CSMD2: variants seen among roughly 807,000 people sequenced by gnomAD.
CSMD2 encodes CUB and Sushi multiple domains 2.
A neutral mutation model predicts 398.5 loss-of-function variants in CSMD2; 130 were observed. The ratio of observed to expected loss-of-function variants is 0.33; its 90% CI spans 0.28 to 0.38. The LOEUF is 0.38. CSMD2 is among the 10% of genes least tolerant of loss of function. The pLI is 1.00. For synonymous variants in CSMD2, 1,828 were observed against 1,908.5 expected, an observed-to-expected ratio of 0.96 and a Z score of 1.10; for missense variants, 3,829 against 4,764.9, an observed-to-expected ratio of 0.80 and a Z score of 5.78.
intron 3 of CSMD2, among the ~76,000 whole-genome samples, chr1:33,996,706 C>G (rs1012835601): frequency 6.7e-6 from 1 of 148,150 alleles, no homozygotes; most frequent in Non-Finnish European, 1.5e-5. Context: ...TTCTATGAAT[C>G]AACTTATAGA....
intron 3 of CSMD2, among the ~76,000 whole-genome samples, chr1:33,997,850 A>C (rs533861): frequency 0.17 from 26,537 of 152,054 alleles, 4,224 homozygotes; most frequent in East Asian, 0.4. Flanking sequence ...GTGACTAGTG[A>C]TGGGAGAAAA....
intron 5 of CSMD2, among the ~76,000 whole-genome samples, chr1:33,865,777 T>C (rs190462009): frequency 2.0e-5 from 3 of 152,326 alleles, no homozygotes; most frequent in Admixed American, 6.5e-5. Flanking sequence ...ACACATTTCA[T>C]TTTTTCCCTG....
At chr1:33,995,157 T>A (rs1443207455) in intron 3 of CSMD2, among the ~76,000 whole-genome samples, 1 of 151,826 alleles carries the variant, frequency 6.6e-6, no homozygotes, top group Non-Finnish European at 1.5e-5. Flanking sequence ...TTTCCAGTGA[T>A]GAAGAGAAAG....
intron 1 of CSMD2, among the ~76,000 whole-genome samples, chr1:34,162,664 G>A (rs1375759749): frequency 6.6e-6 from 1 of 152,100 alleles, no homozygotes. Flanking sequence ...CTCGAGACCA[G>A]CCTGGCCAAC....
At chr1:34,010,378 A>T (rs1647209006) in intron 3 of CSMD2, among the ~76,000 whole-genome samples, 1 of 152,200 alleles carries the variant, frequency 6.6e-6, no homozygotes, top group Non-Finnish European at 1.5e-5. Context: ...ATAATCCATC[A>T]TCTACGAGCA....
chr1:33,803,717 A>G (rs934390821), intron 10 of CSMD2, among the ~76,000 whole-genome samples: 8 of 151,978 alleles, frequency 5.3e-5, no homozygotes, highest in African/African-American at 1.9e-4. Flanking sequence ...GGATGTCCCC[A>G]TTTTTCCTAC....
At chr1:34,149,674 G>T (rs115956940) in intron 1 of CSMD2, among the ~76,000 whole-genome samples, 1 of 152,198 alleles carries the variant, frequency 6.6e-6, no homozygotes, top group Non-Finnish European at 1.5e-5. Context: ...ATGCTAATGC[G>T]TGCCTTTGGG....
chr1:34,043,965 G>A (rs2148196964), intron 2 of CSMD2, among the ~76,000 whole-genome samples: 1 of 152,320 alleles, frequency 6.6e-6, no homozygotes, highest in African/African-American at 2.4e-5. Context: ...CACGACCTGT[G>A]TGACTTTGCC....
At chr1:33,545,628 C>T (rs1243814599) in intron 57 of CSMD2, among the ~76,000 whole-genome samples, 1 of 152,202 alleles carries the variant, frequency 6.6e-6, no homozygotes, top group African/African-American at 2.4e-5. Context: ...GACCCCACTT[C>T]CTAATACTAT....
At chr1:33,709,894 G>A (rs1034542303) in intron 21 of CSMD2, among the ~76,000 whole-genome samples, 1 of 152,040 alleles carries the variant, frequency 6.6e-6, no homozygotes, top group Admixed American at 6.5e-5. Context: ...GGAGGAGGGG[G>A]CTGAGAACTC....
At position 33,973,696 on chromosome 1, in the gene CSMD2, G is replaced by A. The variant is rs144686399; in HGVS notation, c.518-37742C>T. Among the ~76,000 whole-genome samples the A allele has an allele frequency of 4.3e-3, 661 of 152,290 alleles. 5 individuals carry two copies. The highest frequency in any genetic ancestry group is 0.015 in the African/African-American group (621 of 41,554). On this transcript the variant is annotated intron_variant, in intron 3 of 70. Coordinates refer to ENST00000373381, the MANE Select transcript of CSMD2 (RefSeq NM_001281956.2). ...GGCCATGCACCCTGCCCTTTAGCACGTAAGAGCTGGCTGGGGAGACAGGAC... is the reference window on the plus strand; with the variant it reads ...GGCCATGCACCCTGCCCTTTAGCACATAAGAGCTGGCTGGGGAGACAGGAC...
intron 3 of CSMD2, among the ~76,000 whole-genome samples, chr1:33,970,248 G>T (rs1645711358): frequency 6.6e-6 from 1 of 152,182 alleles, no homozygotes; most frequent in Admixed American, 6.5e-5. Context: ...AGATGGTGAA[G>T]AAAGGTGGAA....
At chr1:33,982,370 C>A (rs1170841060) in intron 3 of CSMD2, among the ~76,000 whole-genome samples, 1 of 152,156 alleles carries the variant, frequency 6.6e-6, no homozygotes, top group Non-Finnish European at 1.5e-5. Flanking sequence ...GGCTCTGAAG[C>A]CAGACTCTGT....
rs182458870 is a variant in CSMD2, at chr1:34,061,683, T to C, written c.404+27294A>G. On this transcript the variant is annotated intron_variant, in intron 2 of 70. Transcript: ENST00000373381. Reference sequence around the variant, plus strand: ...TATGCAAAGTGCTTAGAGCAGTGCCTGGTACATAGTAAGTGCTCAATAATA... The same window carrying C: ...TATGCAAAGTGCTTAGAGCAGTGCCCGGTACATAGTAAGTGCTCAATAATA... Among the ~76,000 whole-genome samples, 903 of 152,324 alleles carry C rather than the reference T, an allele frequency of 5.9e-3. 36 individuals are homozygous for C. Among genetic ancestry groups the C allele is most frequent in the Admixed American group, 0.052 (794 of 15,300 alleles).
intron 5 of CSMD2, among the ~76,000 whole-genome samples, chr1:33,913,583 C>T (rs796099102): frequency 1.8e-4 from 27 of 152,266 alleles, no homozygotes; most frequent in African/African-American, 6.3e-4. Flanking sequence ...TACTGAGACC[C>T]ATTTTTCAGA....
intron 25 of CSMD2, among the ~76,000 whole-genome samples, chr1:33,673,291 G>A (rs1005149558): frequency 2.4e-4 from 37 of 152,278 alleles, no homozygotes; most frequent in East Asian, 1.5e-3. Context: ...TGAAAACCAC[G>A]GCACGAGAAC....
At position 33,833,079 on chromosome 1, in the gene CSMD2, G is replaced by A. The variant is rs539325997; in HGVS notation, c.1034-7305C>T. Among the ~76,000 whole-genome samples the A allele has an allele frequency of 6.0e-3, 853 of 141,046 alleles. 9 individuals are homozygous for A. The highest frequency in any genetic ancestry group is 0.022 in the African/African-American group (808 of 36,674). 92.5% of individuals were successfully genotyped at this position (141,046 alleles called of 152,430 possible). A position where few individuals can be genotyped will look rare whatever the true frequency, so the allele number is the denominator to read the frequency against. ...CCGAATTCTACCAGAGGTACAAGGA[G>A]GAACTGGTACCATTCCTTCTGAAAC... is the stretch of plus-strand genomic sequence containing the variant. On this transcript the variant is annotated intron_variant, in intron 6 of 70. Coordinates refer to ENST00000373381, the MANE Select transcript of CSMD2 (RefSeq NM_001281956.2).
intron 1 of CSMD2, 108 bp from the exon 2 acceptor site, chr1:34,089,301 C>G (rs372833207): frequency 1.6e-5 from 17 of 1,079,556 alleles, no homozygotes; most frequent in East Asian, 1.3e-4. Context: ...TTTCCAAGTG[C>G]TTCCCATGAG....
chr1:33,541,215 A>C lies in CSMD2; in HGVS notation c.9372T>G (p.Pro3124=), dbSNP rs199951570. Residue 3124 remains proline (P), a synonymous_variant, in exon 59 of 71, where the codon CCT becomes CCG. Coordinates refer to ENST00000373381, the MANE Select transcript of CSMD2 (RefSeq NM_001281956.2). ...CTCTATGTGACTCCATCATATAGCC[A>C]GGGACACACTGATATGTCACAGTTT... ...YNKTVTYQCV[P]GYMMESHRVS... 3 of 1,614,034 alleles carry C rather than the reference A, an allele frequency of 1.9e-6. No individual in the cohort carries two copies. The East Asian group carries it at 6.7e-5, about 36-fold the overall frequency.
Sources: allele counts gnomAD v4.1 joint callset (sites outside exome capture counted in the v4.1 genomes callset), GRCh38; gene constraint gnomAD v4.1.1; transcripts MANE v1.5; gene names NCBI Gene and HGNC (gene_info 2026-07-23, HGNC 2026-07-21).